MAGEB16: variants seen among roughly 807,000 people sequenced by gnomAD.
MAGEB16 encodes the protein MAGE family member B16.
For missense variants in MAGEB16, 217 were observed against 234.0 expected, an observed-to-expected ratio of 0.93 and a Z score of 0.47; for synonymous variants, 95 against 92.1, an observed-to-expected ratio of 1.03 and a Z score of -0.18.
exon 2 of MAGEB16, chrX:35,802,465 A>G: frequency 8.3e-7 from 1 of 1,209,794 alleles, no homozygotes; most frequent in African/African-American, 1.7e-5. Context: ...TCCAGCAATC[A>G]AGAAGAGGAA....
At chrX:35,803,125 C>G (rs1428181714) in exon 2 of MAGEB16, 1 of 1,197,546 alleles carries the variant, frequency 8.4e-7, no homozygotes, top group Non-Finnish European at 1.1e-6. Context: ...TCTCAGTATG[C>G]GGAAGCTCTG....
exon 2 of MAGEB16, chrX:35,802,249 C>T: frequency 1.7e-6 from 2 of 1,211,573 alleles, no homozygotes; most frequent in Non-Finnish European, 2.2e-6. Context: ...CACCTTCAGA[C>T]CTTCAGTGAG....
exon 2 of MAGEB16, chrX:35,802,627 T>G: frequency 3.3e-6 from 4 of 1,210,935 alleles, no homozygotes; most frequent in Non-Finnish European, 4.5e-6. Flanking sequence ...AAGATTATCA[T>G]CAAAGATGAT....
At chrX:35,800,512 G>T (rs752079241) in intron 1 of MAGEB16, 3 of 521,591 alleles carry the variant, frequency 5.8e-6, no homozygotes, top group Admixed American at 2.7e-5. Context: ...TTCTTTTTTC[G>T]GCAGGAGTGG....
chrX:35,799,940 G>A (rs1228892591), intron 1 of MAGEB16, among the ~76,000 whole-genome samples: 1 of 111,215 alleles, frequency 9.0e-6, no homozygotes, highest in East Asian at 2.9e-4. Context: ...GTTTGAGGGA[G>A]CTAAGTAAGG....
intron 1 of MAGEB16, among the ~76,000 whole-genome samples, chrX:35,800,834 G>A (rs185837161): frequency 2.2e-3 from 247 of 111,606 alleles, no homozygotes; most frequent in African/African-American, 7.1e-3. Context: ...AAGAGTAATC[G>A]CCACAGAGCC....
At chrX:35,803,248 G>A (rs2146566401) in exon 2 of MAGEB16, 1 of 986,753 alleles carries the variant, frequency 1.0e-6, no homozygotes, top group South Asian at 2.8e-5. Flanking sequence ...ACCTAGTGAA[G>A]ACAAGGATAG....
intron 1 of MAGEB16, among the ~76,000 whole-genome samples, chrX:35,800,996 G>T (rs1934857813): frequency 9.0e-6 from 1 of 111,322 alleles, no homozygotes; most frequent in South Asian, 3.8e-4. Flanking sequence ...TCCACTCCAG[G>T]ATATATGTCG....
At chrX:35,801,938 G>T (rs748122391) in intron 1 of MAGEB16, among the ~76,000 whole-genome samples, 193 bp from the exon 2 acceptor site, 14 of 112,134 alleles carry the variant, frequency 1.2e-4, no homozygotes, top group African/African-American at 4.5e-4. Context: ...TCTCACGTTG[G>T]GTTGGCTGGC....
At chrX:35,799,463 A>T (rs373925388) in intron 1 of MAGEB16, among the ~76,000 whole-genome samples, 2 of 111,608 alleles carry the variant, frequency 1.8e-5, no homozygotes, top group South Asian at 7.5e-4. Flanking sequence ...CCTCCCTGGG[A>T]GACTCACCCT....
intron 1 of MAGEB16, chrX:35,801,387 C>T (rs938151827): frequency 9.0e-6 from 1 of 111,602 alleles, no homozygotes; most frequent in African/African-American, 3.3e-5. Context: ...AAGTCACCAT[C>T]ACTAGCCAAG....
chrX:35,802,228 C>T, exon 2 of MAGEB16: 1 of 1,211,674 alleles, frequency 8.3e-7, no homozygotes. Flanking sequence ...CCACGATGCA[C>T]ACATGATCAG....
chrX:35,802,736 T>G lies in MAGEB16; in HGVS notation c.540T>G (p.Tyr180Ter). The G allele has an allele frequency of 2.5e-6, 3 of 1,211,487 alleles. No homozygotes were observed. The highest frequency in any genetic ancestry group is 3.4e-6 in the Non-Finnish European group (3 of 895,423). The stretch of plus-strand genomic sequence containing the variant: ...AGGTGGACCCCACCACCCATTGCTA[T>G]GGCCTCTTCATCAAACTGGGCCTCA... Residue 180 changes from tyrosine to a stop codon, truncating the protein, a stop_gained, in exon 2 of 2, where the codon TAT becomes TAG. Coordinates refer to ENST00000399988, the Ensembl canonical transcript of MAGEB16. LOFTEE classifies it low-confidence loss of function (END_TRUNC).
intron 1 of MAGEB16, among the ~76,000 whole-genome samples, chrX:35,799,134 G>A (rs1332417928): frequency 2.8e-5 from 3 of 107,266 alleles, no homozygotes; most frequent in Admixed American, 1.0e-4. Flanking sequence ...CACCTGCCTC[G>A]GCCTTCCAAA....
exon 2 of MAGEB16, chrX:35,803,025 T>C: frequency 8.3e-7 from 1 of 1,212,051 alleles, no homozygotes; most frequent in Non-Finnish European, 1.1e-6. Context: ...TGAATTCCTG[T>C]GGGGCCCAAG....
At position 35,799,475 on chromosome X, in the gene MAGEB16, G is replaced by T. The variant is rs12010853; in HGVS notation, c.-67+1057G>T. Among the ~76,000 whole-genome samples, 286 of 111,591 alleles carry T rather than the reference G, an allele frequency of 2.6e-3. 1 individual carries two copies. The highest frequency in any genetic ancestry group is 9.0e-3 in the African/African-American group (277 of 30,617). ...TCCCCTCCCTGGGAGACTCACCCTA[G>T]GGGTGTCAAACTGAAGATACTGCTA... On this transcript the variant is annotated intron_variant, in intron 1 of 1. Transcript: ENST00000399988.
At chrX:35,802,974 C>T (rs1255569477) in exon 2 of MAGEB16, 4 of 1,211,797 alleles carry the variant, frequency 3.3e-6, no homozygotes, top group Non-Finnish European at 4.5e-6. Context: ...GGAGAAGTAC[C>T]TGGAGTACCA....
At chrX:35,798,608 A>G (rs1249495169) in intron 1 of MAGEB16, 190 bp downstream of exon 1, 2 of 111,456 alleles carry the variant, frequency 1.8e-5, no homozygotes, top group African/African-American at 6.5e-5. Flanking sequence ...CGAGAGTTAA[A>G]AAAGAAAAAA....
At chrX:35,800,447 A>G in intron 1 of MAGEB16, 1 of 521,215 alleles carries the variant, frequency 1.9e-6, no homozygotes, top group Non-Finnish European at 3.5e-6. Flanking sequence ...CACAGACTTA[A>G]GACTGAGAGA....
Sources: allele counts gnomAD v4.1 joint callset (sites outside exome capture counted in the v4.1 genomes callset), GRCh38; gene constraint gnomAD v4.1.1; transcripts MANE v1.5; gene names NCBI Gene and HGNC (gene_info 2026-07-23, HGNC 2026-07-21).